The following PLD5 variants were observed in gnomAD, a reference collection of about 807,000 sequenced individuals.
PLD5 encodes inactive phospholipase D5.
A neutral mutation model predicts 61.1 loss-of-function variants in PLD5; 36 were observed. That is an observed-to-expected ratio of 0.59 (90% CI 0.45 to 0.78). The LOEUF (loss-of-function observed/expected upper bound fraction) is 0.78, where lower values mean the gene tolerates loss of function less well. Ranked by LOEUF, PLD5 falls within the 30% of genes least tolerant of loss-of-function variation. The probability of loss-of-function intolerance (pLI) is 0.00; values close to 1 mark genes in which losing one functional copy is unlikely to be tolerated. For synonymous variants in PLD5, 243 were observed against 242.8 expected, an observed-to-expected ratio of 1.00 and a Z score of -0.01; for missense variants, 515 against 644.4, an observed-to-expected ratio of 0.80 and a Z score of 2.17.
intron 5 of PLD5, among the ~76,000 whole-genome samples, chr1:242,174,140 A>G (rs1377102903): frequency 6.6e-5 from 10 of 152,218 alleles, no homozygotes; most frequent in Non-Finnish European, 1.5e-4. Context: ...AATTTTTGCA[A>G]TCTACTCATC....
chr1:242,279,192 G>T (rs1674577582), intron 3 of PLD5, among the ~76,000 whole-genome samples: 1 of 152,166 alleles, frequency 6.6e-6, no homozygotes. Flanking sequence ...TGCAATCACA[G>T]GATTAATTTG....
intron 4 of PLD5, among the ~76,000 whole-genome samples, chr1:242,239,517 T>A (rs968994616): frequency 6.6e-6 from 1 of 152,150 alleles, no homozygotes; most frequent in Admixed American, 6.5e-5. Context: ...GCTGAGGAAA[T>A]GTATTGTATT....
At chr1:242,162,234 C>A (rs1196990344) in intron 5 of PLD5, among the ~76,000 whole-genome samples, 1 of 152,072 alleles carries the variant, frequency 6.6e-6, no homozygotes, top group Non-Finnish European at 1.5e-5. Flanking sequence ...AAGCAGGAAC[C>A]TTTGTTGTTT....
intron 1 of PLD5, among the ~76,000 whole-genome samples, chr1:242,352,645 A>T (rs1478182428): frequency 6.6e-6 from 1 of 152,180 alleles, no homozygotes; most frequent in Non-Finnish European, 1.5e-5. Flanking sequence ...TATAATGGCT[A>T]CACTAATTTA....
chr1:242,293,859 T>C (rs1300459136), intron 2 of PLD5, among the ~76,000 whole-genome samples: 13 of 152,216 alleles, frequency 8.5e-5, no homozygotes, highest in African/African-American at 3.1e-4. Flanking sequence ...CTGTTTCTTA[T>C]GCTAGAAAAG....
intron 1 of PLD5, among the ~76,000 whole-genome samples, chr1:242,404,504 C>T (rs968543886): frequency 1.1e-4 from 16 of 152,154 alleles, no homozygotes; most frequent in South Asian, 2.1e-4. Flanking sequence ...GTTCACACTA[C>T]GCCAGACAGG....
chr1:242,402,141 G>A (rs1412930106), intron 1 of PLD5, among the ~76,000 whole-genome samples: 1 of 152,186 alleles, frequency 6.6e-6, no homozygotes, highest in East Asian at 1.9e-4. Context: ...GAATGATATG[G>A]AATACATTTC....
intron 5 of PLD5, among the ~76,000 whole-genome samples, chr1:242,159,810 A>C (rs1029077443): frequency 6.6e-6 from 1 of 152,126 alleles, no homozygotes; most frequent in Non-Finnish European, 1.5e-5. Flanking sequence ...TTCAACCCCA[A>C]GTTTATGCAA....
intron 3 of PLD5, among the ~76,000 whole-genome samples, chr1:242,269,881 A>G (rs915327115): frequency 6.6e-6 from 1 of 152,128 alleles, no homozygotes; most frequent in African/African-American, 2.4e-5. Context: ...CCGGTTCTCA[A>G]TTCCCCATAG....
At chr1:242,504,121 A>G (rs780455491) in intron 1 of PLD5, among the ~76,000 whole-genome samples, 1 of 152,158 alleles carries the variant, frequency 6.6e-6, no homozygotes, top group African/African-American at 2.4e-5. Context: ...AAATGTACCT[A>G]CCAGAAATAA....
intron 6 of PLD5, 155 bp downstream of exon 6, chr1:242,124,313 G>A (rs1662611845): frequency 7.9e-6 from 5 of 630,740 alleles, no homozygotes; most frequent in East Asian, 5.5e-5. Flanking sequence ...GTATGATTGC[G>A]TGTAAGGGTG....
chr1:242,521,743 C>T (rs888307883), intron 1 of PLD5, among the ~76,000 whole-genome samples: 42 of 113,082 alleles, frequency 3.7e-4, no homozygotes, highest in Non-Finnish European at 2.4e-4. Flanking sequence ...TCATCCTAAT[C>T]CCTGCAACAT....
chr1:242,258,935 G>A (rs191944912), intron 4 of PLD5, among the ~76,000 whole-genome samples: 1 of 152,222 alleles, frequency 6.6e-6, no homozygotes, highest in Admixed American at 6.5e-5. Context: ...TTATTGCTTG[G>A]TTTTCTCTAC....
At chr1:242,493,654 G>C (rs1668248341) in intron 1 of PLD5, among the ~76,000 whole-genome samples, 1 of 152,048 alleles carries the variant, frequency 6.6e-6, no homozygotes, top group South Asian at 2.1e-4. Flanking sequence ...CAGCCCCAGG[G>C]AGCTGCCAGG....
intron 4 of PLD5, among the ~76,000 whole-genome samples, chr1:242,264,642 G>A (rs1202125459): frequency 6.6e-6 from 1 of 152,150 alleles, no homozygotes; most frequent in Non-Finnish European, 1.5e-5. Flanking sequence ...TTCTAGGGAC[G>A]TCCGGCAGCT....
intron 2 of PLD5, among the ~76,000 whole-genome samples, chr1:242,329,081 T>C (rs968496049): frequency 5.3e-5 from 8 of 152,092 alleles, no homozygotes; most frequent in African/African-American, 1.9e-4. Context: ...TGATCTTGGC[T>C]CACTGCAACC....
intron 2 of PLD5, among the ~76,000 whole-genome samples, chr1:242,296,476 C>A (rs925272935): frequency 6.6e-6 from 1 of 152,176 alleles, no homozygotes; most frequent in Non-Finnish European, 1.5e-5. Flanking sequence ...CAAAGGCTAA[C>A]CTTCCCAAAG....
At chr1:242,239,704 C>T (rs562010399) in intron 4 of PLD5, among the ~76,000 whole-genome samples, 2 of 152,226 alleles carry the variant, frequency 1.3e-5, no homozygotes, top group Admixed American at 6.5e-5. Context: ...TCTGCACATC[C>T]ACCGCTTAAC....
At chr1:242,389,333 T>G (rs754616630) in intron 1 of PLD5, among the ~76,000 whole-genome samples, 2 of 152,152 alleles carry the variant, frequency 1.3e-5, no homozygotes, top group Non-Finnish European at 2.9e-5. Context: ...ATTTGTAATT[T>G]AATACGCATC....
Sources: gnomAD v4.1 joint callset for allele counts (sites outside exome capture counted in the v4.1 genomes callset) on GRCh38, gnomAD v4.1.1 for gene constraint, MANE v1.5 for transcripts, NCBI Gene and HGNC (gene_info 2026-07-23, HGNC 2026-07-21) for gene names.